NIPBL: variants seen among roughly 807,000 people sequenced by gnomAD.
NIPBL encodes the protein nipped-B-like protein.
In NIPBL, 19 loss-of-function variants were observed where a neutral mutation model predicts 321.8. The observed-to-expected ratio is 0.06, with a 90% CI of 0.04 to 0.09. The LOEUF is 0.09. Ranked by LOEUF, NIPBL falls within the 10% of genes least tolerant of loss-of-function variation. NIPBL has a pLI of 1.00. For missense variants in NIPBL, 2,210 were observed against 3,327.0 expected (o/e 0.66, Z 8.26); for synonymous variants, 1,106 against 1,114.1 (o/e 0.99, Z 0.14).
At chr5:37,024,480 A>T (rs1750034606) in intron 29 of NIPBL, 105 bp from the exon 30 acceptor site, 1 of 886,522 alleles carries the variant, frequency 1.1e-6, no homozygotes, top group Admixed American at 2.4e-5. Flanking sequence ...TGTGTTTATC[A>T]TGTTAACAAA....
At chr5:36,991,172 T>C (rs948539795) in intron 10 of NIPBL, among the ~76,000 whole-genome samples, 3 of 152,094 alleles carry the variant, frequency 2.0e-5, no homozygotes, top group Non-Finnish European at 4.4e-5. Flanking sequence ...AAAAATTCTC[T>C]TTTAAACTTA....
chr5:36,969,462 C>T (rs962089739), intron 6 of NIPBL, among the ~76,000 whole-genome samples: 2 of 152,094 alleles, frequency 1.3e-5, no homozygotes, highest in Non-Finnish European at 2.9e-5. Context: ...GGAACATACC[C>T]ATGGACAAAT....
chr5:37,064,285 T>C, intron 46 of NIPBL: 1 of 1,374,100 alleles, frequency 7.3e-7, no homozygotes, highest in Non-Finnish European at 9.5e-7. Flanking sequence ...TTCATATGTA[T>C]ATATAATTTT....
chr5:36,936,994 A>G (rs1217670155), intron 1 of NIPBL, among the ~76,000 whole-genome samples: 2 of 152,210 alleles, frequency 1.3e-5, no homozygotes, highest in Middle Eastern at 3.4e-3. Context: ...TTTTCTTTCT[A>G]TAAAGGAGAA....
intron 22 of NIPBL, among the ~76,000 whole-genome samples, chr5:37,015,404 G>T (rs1046273230): frequency 3.9e-5 from 6 of 152,136 alleles, no homozygotes; most frequent in African/African-American, 2.4e-5. Context: ...GATTACAGGC[G>T]TGAGCCACTG....
chr5:37,023,375 C>T (rs1749871093), intron 29 of NIPBL, among the ~76,000 whole-genome samples: 1 of 152,126 alleles, frequency 6.6e-6, no homozygotes, highest in Non-Finnish European at 1.5e-5. Context: ...TTGCACACTT[C>T]ATGTATGATG....
chr5:36,956,855 C>T (rs989358306), intron 3 of NIPBL, among the ~76,000 whole-genome samples: 1 of 151,902 alleles, frequency 6.6e-6, no homozygotes, highest in African/African-American at 2.4e-5. Flanking sequence ...AAATTCCCGA[C>T]TTCAGGTGAT....
At chr5:36,987,852 G>C (rs748377178) in intron 10 of NIPBL, among the ~76,000 whole-genome samples, 1 of 152,148 alleles carries the variant, frequency 6.6e-6, no homozygotes, top group African/African-American at 2.4e-5. Flanking sequence ...TAATATAAAA[G>C]AGGTTGTAGA....
intron 32 of NIPBL, among the ~76,000 whole-genome samples, chr5:37,032,997 C>T (rs183393325): frequency 6.6e-6 from 1 of 152,124 alleles, no homozygotes; most frequent in Admixed American, 6.5e-5. Context: ...ACCTTGATTA[C>T]TTCTTATTTA....
rs765051194 is a variant in NIPBL, at chr5:37,006,471, C to T, written c.3970C>T (p.Pro1324Ser). 1.2e-6 allele frequency: 2 copies of T among 1,611,790 alleles called. No homozygotes were observed. The highest frequency in any genetic ancestry group is 4.5e-5 in the East Asian group (2 of 44,738). Residue 1324 changes from proline (P) to serine (S), a missense_variant, in exon 17 of 47, where the codon CCA (proline) becomes TCA (serine). Physicochemically the swap from Pro to Ser is moderately conservative, Grantham distance 74. Transcript: ENST00000282516. ...CAACATTATGACATCCCCTAACATGCCAAAAGCTGTGTACATTGAGGATGT... is the reference window on the plus strand; with the variant it reads ...CAACATTATGACATCCCCTAACATGTCAAAAGCTGTGTACATTGAGGATGT... The part of the protein sequence containing the change: ...TINIMTSPNM[P>S]KAVYIEDVIE...
chr5:37,042,043 G>A lies in NIPBL; in HGVS notation c.6109-2304G>A, dbSNP rs573057478. On this transcript the variant is annotated intron_variant, in intron 34 of 46. Coordinates refer to ENST00000282516, the MANE Select transcript of NIPBL (RefSeq NM_133433.4). ...TTTAATCCTGTGGGGATCCTAAAAG[G>A]AAGGATGAATATGATGTGGGAATTT... is the stretch of plus-strand genomic sequence containing the variant. Among the ~76,000 whole-genome samples the A allele has an allele frequency of 1.8e-4, 28 of 152,268 alleles. No homozygotes were observed. The South Asian group carries it at 5.8e-3, about 32-fold the overall frequency.
At chr5:36,929,760 A>G (rs1749642213) in intron 1 of NIPBL, among the ~76,000 whole-genome samples, 1 of 152,098 alleles carries the variant, frequency 6.6e-6, no homozygotes, top group Non-Finnish European at 1.5e-5. Context: ...TGTGTATGGT[A>G]TAAGTTAATG....
intron 1 of NIPBL, among the ~76,000 whole-genome samples, chr5:36,892,591 T>C (rs1339296434): frequency 1.3e-5 from 2 of 152,140 alleles, no homozygotes; most frequent in Admixed American, 6.5e-5. Flanking sequence ...ATATACACCA[T>C]GGAATACTAT....
At chr5:36,901,531 C>G (rs574458995) in intron 1 of NIPBL, among the ~76,000 whole-genome samples, 40 of 80,092 alleles carry the variant, frequency 5.0e-4, no homozygotes, top group Admixed American at 1.3e-3. Context: ...TTTTTTGAGT[C>G]GGAGATTTGC....
intron 32 of NIPBL, among the ~76,000 whole-genome samples, chr5:37,028,358 A>G (rs1173161064): frequency 1.2e-5 from 1 of 81,754 alleles, no homozygotes; most frequent in African/African-American, 8.4e-5. Flanking sequence ...TTTTTTTGAG[A>G]TAGAGTCTCA....
intron 1 of NIPBL, among the ~76,000 whole-genome samples, chr5:36,886,903 T>C (rs1745951107): frequency 6.6e-6 from 1 of 152,058 alleles, no homozygotes; most frequent in Non-Finnish European, 1.5e-5. Context: ...AGCAGAAAGC[T>C]TCTGAGATTC....
chr5:36,982,629 G>A (rs571683288), intron 9 of NIPBL, among the ~76,000 whole-genome samples: 1 of 151,868 alleles, frequency 6.6e-6, no homozygotes, highest in South Asian at 2.1e-4. Context: ...AGGATTCATA[G>A]TTTAAATAAA....
chr5:36,974,421 A>T (rs533075371), intron 8 of NIPBL, among the ~76,000 whole-genome samples: 1 of 152,316 alleles, frequency 6.6e-6, no homozygotes, highest in Admixed American at 6.5e-5. Context: ...GAATTTAAAT[A>T]CAAAGGCATA....
At chr5:37,046,640 T>C (rs1753012644) in intron 38 of NIPBL, among the ~76,000 whole-genome samples, 2 of 152,254 alleles carry the variant, frequency 1.3e-5, no homozygotes, top group South Asian at 4.1e-4. Context: ...CACTGACTTA[T>C]TTATATAAAA....
Sources: gnomAD v4.1 joint callset for allele counts (sites outside exome capture counted in the v4.1 genomes callset) on GRCh38, gnomAD v4.1.1 for gene constraint, MANE v1.5 for transcripts, NCBI Gene and HGNC (gene_info 2026-07-23, HGNC 2026-07-21) for gene names.